Variants in ST7 observed in about 807,000 individuals in gnomAD.
ST7 encodes suppressor of tumorigenicity 7 protein.
Under a neutral mutation model 78.7 loss-of-function variants are expected in ST7, and 28 were observed. The ratio of observed to expected loss-of-function variants is 0.36; its 90% CI spans 0.26 to 0.49. ST7 has a LOEUF of 0.49. ST7 is among the 20% of genes least tolerant of loss of function. The pLI is 0.99. For synonymous variants in ST7, 247 were observed against 249.6 expected, an observed-to-expected ratio of 0.99 and a Z score of 0.10; for missense variants, 418 against 696.0, an observed-to-expected ratio of 0.60 and a Z score of 4.49.
chr7:117,023,093 A>G (rs1796010252), intron 1 of ST7: 1 of 152,200 alleles, frequency 6.6e-6, no homozygotes. Context: ...TGCCTGTAAG[A>G]GAAGGAAATG....
At chr7:117,121,978 C>T (rs1309454702) in intron 3 of ST7, among the ~76,000 whole-genome samples, 1 of 151,832 alleles carries the variant, frequency 6.6e-6, no homozygotes, top group Non-Finnish European at 1.5e-5. Flanking sequence ...AGAAATAAAG[C>T]CGTGCCTTAA....
intron 13 of ST7, among the ~76,000 whole-genome samples, chr7:117,215,728 G>A (rs925475650): frequency 2.2e-4 from 33 of 152,300 alleles, no homozygotes; most frequent in African/African-American, 7.0e-4. Flanking sequence ...ATCACCGTGG[G>A]AACCTTTGCT....
intron 1 of ST7, among the ~76,000 whole-genome samples, chr7:117,034,410 A>G (rs1658213192): frequency 6.6e-6 from 1 of 152,150 alleles, no homozygotes; most frequent in African/African-American, 2.4e-5. Context: ...ATGATGTGGG[A>G]GGGGTTAAAA....
chr7:116,985,628 A>G (rs1794158568), intron 1 of ST7, among the ~76,000 whole-genome samples: 1 of 152,204 alleles, frequency 6.6e-6, no homozygotes, highest in Non-Finnish European at 1.5e-5. Flanking sequence ...TCATGAAGTT[A>G]GGAATAATTA....
intron 1 of ST7, chr7:116,972,232 G>T: frequency 1.9e-6 from 1 of 531,642 alleles, no homozygotes; most frequent in Non-Finnish European, 3.6e-6. Context: ...CTGTCCTTTG[G>T]TGCATTTGAG....
chr7:117,123,147 C>G (rs1307123114), intron 3 of ST7, among the ~76,000 whole-genome samples: 1 of 151,822 alleles, frequency 6.6e-6, no homozygotes, highest in Non-Finnish European at 1.5e-5. Context: ...TTGGCAAAGG[C>G]AGTGTAATGG....
At chr7:116,972,201 C>T in intron 1 of ST7, 1 of 549,788 alleles carries the variant, frequency 1.8e-6, no homozygotes, top group Non-Finnish European at 3.5e-6. Context: ...TCTGGACCAG[C>T]ATCTTTTGTG....
At chr7:117,149,235 A>G (rs563459161) in intron 9 of ST7, among the ~76,000 whole-genome samples, 1 of 152,218 alleles carries the variant, frequency 6.6e-6, no homozygotes, top group South Asian at 2.1e-4. Flanking sequence ...ATTTAAATAC[A>G]AGCTTAGGCT....
intron 1 of ST7, chr7:117,020,309 C>T (rs1483698366): frequency 2.3e-6 from 1 of 436,756 alleles, no homozygotes; most frequent in East Asian, 3.8e-5. Context: ...CCAGCCTCAC[C>T]GCATCCCAGA....
chr7:117,202,945 C>T (rs149089749), intron 12 of ST7, among the ~76,000 whole-genome samples: 25 of 152,300 alleles, frequency 1.6e-4, no homozygotes, highest in African/African-American at 5.5e-4. Flanking sequence ...ACTCAAGTCC[C>T]CCAGTGGGCC....
At chr7:116,968,484 G>A (rs539470818) in intron 1 of ST7, 3 of 442,498 alleles carry the variant, frequency 6.8e-6, no homozygotes, top group Non-Finnish European at 1.4e-5. Context: ...TTCGACTACG[G>A]GTGTGCGCCA....
In ST7 at chr7:117,190,788, C is replaced by T; in HGVS notation, c.1152-46C>T. The T allele has an allele frequency of 6.5e-7, 1 of 1,534,196 alleles. No individual in the cohort carries two copies. Among genetic ancestry groups the T allele is most frequent in the Middle Eastern group, 1.8e-4 (1 of 5,466 alleles). On this transcript the variant is annotated intron_variant, in intron 11 of 15. Coordinates refer to ENST00000323984, the MANE Select transcript of ST7 (RefSeq NM_001369598.1). The surrounding 1 kb of genome is among the most constrained non-coding windows in gnomAD (Gnocchi z 5.2). ...GTGTAGATGCTTCCGGGTTGATGCC[C>T]AAGCAGTGGTCCCACCTGGATGGTT...
intron 1 of ST7, among the ~76,000 whole-genome samples, chr7:117,041,937 G>C (rs1797254600): frequency 6.6e-6 from 1 of 152,210 alleles, no homozygotes; most frequent in Non-Finnish European, 1.5e-5. Flanking sequence ...AAATGTCGAA[G>C]AGGAAGGCAG....
At chr7:117,172,615 C>T (rs1808081557) in intron 10 of ST7, among the ~76,000 whole-genome samples, 1 of 152,194 alleles carries the variant, frequency 6.6e-6, no homozygotes, top group African/African-American at 2.4e-5. Context: ...TTCAGCTAAA[C>T]AGTGGTCCAA....
intron 1 of ST7, among the ~76,000 whole-genome samples, chr7:117,079,431 A>C (rs752604309): frequency 2.6e-5 from 4 of 152,194 alleles, no homozygotes; most frequent in Admixed American, 6.5e-5. Flanking sequence ...AAATTGTTTC[A>C]TGTTCATGTA....
chr7:117,224,901 C>T (rs892754950), intron 15 of ST7, among the ~76,000 whole-genome samples: 2 of 152,188 alleles, frequency 1.3e-5, no homozygotes, highest in Non-Finnish European at 2.9e-5. Flanking sequence ...TTTCAGGAAT[C>T]AGTGGTTTCC....
chr7:117,004,898 A>C (rs542389305), intron 1 of ST7, among the ~76,000 whole-genome samples: 5 of 152,328 alleles, frequency 3.3e-5, no homozygotes, highest in Non-Finnish European at 5.9e-5. Flanking sequence ...GTATGAATAA[A>C]ATTTGATTCA....
At chr7:117,114,017 G>A (rs1413248042) in intron 2 of ST7, among the ~76,000 whole-genome samples, 2 of 152,154 alleles carry the variant, frequency 1.3e-5, no homozygotes, top group Non-Finnish European at 2.9e-5. Flanking sequence ...ACCTTGAAGA[G>A]AGCCTTACTT....
intron 3 of ST7, among the ~76,000 whole-genome samples, chr7:117,123,621 A>G (rs1218660758): frequency 2.6e-5 from 4 of 152,126 alleles, no homozygotes; most frequent in South Asian, 2.1e-4. Flanking sequence ...CCCTGCTGAT[A>G]TATTCTGCCA....
Sources: allele counts gnomAD v4.1 joint callset (sites outside exome capture counted in the v4.1 genomes callset), GRCh38; gene constraint gnomAD v4.1.1; non-coding constraint Gnocchi (gnomAD v3.1); transcripts MANE v1.5; gene names NCBI Gene and HGNC (gene_info 2026-07-23, HGNC 2026-07-21).